MYO16: variants seen among roughly 807,000 people sequenced by gnomAD.
The protein encoded by MYO16 is unconventional myosin-XVI.
In MYO16, 94 loss-of-function variants were observed where a neutral mutation model predicts 205.3. That is an observed-to-expected ratio of 0.46 (90% confidence interval 0.39 to 0.54). MYO16 has a LOEUF of 0.54. MYO16 is among the 20% of genes least tolerant of loss of function. The probability of loss-of-function intolerance (pLI) is 0.00; values close to 1 mark genes in which losing one functional copy is unlikely to be tolerated. For synonymous variants in MYO16, 988 were observed against 954.0 expected (o/e 1.04, Z -0.66); for missense variants, 2,315 against 2,387.5 (o/e 0.97, Z 0.63).
rs188980530 is a variant in MYO16, at chr13:109,013,427, C to A, written c.2595+4378C>A. ...TGTGAATAGTGCCACAATAAACATA[C>A]GTGTGCATGTGTCTTTATACTAGCA... On this transcript the variant is annotated intron_variant, in intron 22 of 34. Coordinates refer to ENST00000457511, the MANE Select transcript of MYO16 (RefSeq NM_001198950.3). Among the ~76,000 whole-genome samples the A allele has an allele frequency of 4.7e-3, 718 of 152,188 alleles. 3 individuals carry two copies. The highest frequency in any genetic ancestry group is 8.6e-3 in the Non-Finnish European group (582 of 68,016).
intron 20 of MYO16, among the ~76,000 whole-genome samples, chr13:108,991,399 A>G (rs1884824098): frequency 6.6e-6 from 1 of 152,238 alleles, no homozygotes; most frequent in Non-Finnish European, 1.5e-5. Flanking sequence ...TCTTTAAATT[A>G]TCCTTCAAAA....
intron 2 of MYO16, among the ~76,000 whole-genome samples, chr13:108,674,918 A>C (rs1418396589): frequency 6.6e-6 from 1 of 152,222 alleles, no homozygotes; most frequent in Non-Finnish European, 1.5e-5. Context: ...GCAAAAACAC[A>C]TTGACAACAT....
At chr13:108,667,985 G>C (rs980532018) in intron 2 of MYO16, among the ~76,000 whole-genome samples, 1 of 152,126 alleles carries the variant, frequency 6.6e-6, no homozygotes, top group African/African-American at 2.4e-5. Context: ...GATATAATGA[G>C]CCATGATGGT....
chr13:109,065,429 G>A (rs577798476), intron 27 of MYO16, among the ~76,000 whole-genome samples: 19 of 150,436 alleles, frequency 1.3e-4, no homozygotes, highest in East Asian at 3.9e-4. Context: ...ATCTCTCCCC[G>A]ATATGTATAT....
chr13:109,082,347 G>A (rs114931046), intron 27 of MYO16, among the ~76,000 whole-genome samples: 2,155 of 152,246 alleles, frequency 0.014, 46 homozygotes, highest in African/African-American at 0.049. Flanking sequence ...TTTAGTTTAC[G>A]ATGGTAGCTG....
intron 1 of MYO16, among the ~76,000 whole-genome samples, chr13:108,653,773 GCATATATATA>G (rs1299471598): frequency 6.7e-6 from 1 of 150,140 alleles, no homozygotes; most frequent in African/African-American, 2.4e-5. Flanking sequence ...ACACACACAT[GCATATATATA>G]CATATATATA....
chr13:109,049,378 G>A (rs1045212611), intron 24 of MYO16, among the ~76,000 whole-genome samples: 43 of 152,232 alleles, frequency 2.8e-4, no homozygotes, highest in African/African-American at 9.1e-4. Context: ...CCTGCCATGT[G>A]CTCAGCTGTG....
rs75674454 is a variant in MYO16, at chr13:108,847,374, G to A, written c.1248+2881G>A. 2.7e-3 allele frequency among the ~76,000 whole-genome samples: 404 copies of A among 152,188 alleles called. 3 individuals carry two copies. Among genetic ancestry groups the A allele is most frequent in the African/African-American group, 9.2e-3 (383 of 41,522 alleles). Reference sequence around the variant, plus strand: ...CCTAATATTCACCCAGTAATATGCCGCATGGTATCCATCATGTTCTCATAT... The same window carrying A: ...CCTAATATTCACCCAGTAATATGCCACATGGTATCCATCATGTTCTCATAT... On this transcript the variant is annotated intron_variant, in intron 10 of 34. Transcript: ENST00000457511.
the MYO16 span, among the ~76,000 whole-genome samples, chr13:108,541,467 AC>A: frequency 6.6e-6 from 1 of 151,746 alleles, no homozygotes; most frequent in Non-Finnish European, 1.5e-5. Flanking sequence ...TTTTTGATAC[AC>A]TATAATATTG....
intron 9 of MYO16, among the ~76,000 whole-genome samples, chr13:108,823,967 C>T (rs569643499): frequency 2.9e-4 from 44 of 152,064 alleles, no homozygotes; most frequent in Non-Finnish European, 5.6e-4. Flanking sequence ...AATATTTGTT[C>T]GGAATCTACT....
At chr13:108,648,489 TG>T (rs2139395347) in intron 1 of MYO16, among the ~76,000 whole-genome samples, 1 of 152,282 alleles carries the variant, frequency 6.6e-6, no homozygotes, top group South Asian at 2.1e-4. Context: ...AGGGAATTGT[TG>T]TTCTCATTAT....
In MYO16 at chr13:109,159,591, C is replaced by T. The variant is rs540432697; in HGVS notation, c.5165-5310C>T. 3.3e-5 allele frequency among the ~76,000 whole-genome samples: 5 copies of T among 152,288 alleles called. No homozygotes were observed. The South Asian group carries it at 1.0e-3, about 32-fold the overall frequency. ...ACGCACATTGTATTTGCCCACATTC[C>T]AGAGGAAGGAGACACAAAACAAACA... is the stretch of plus-strand genomic sequence containing the variant. On this transcript the variant is annotated intron_variant, in intron 32 of 34. Coordinates refer to ENST00000457511, the MANE Select transcript of MYO16 (RefSeq NM_001198950.3).
At position 108,987,905 on chromosome 13, in the gene MYO16, A is replaced by C. The variant is rs538561304; in HGVS notation, c.2370-4471A>C. Among the ~76,000 whole-genome samples the C allele has an allele frequency of 2.0e-5, 3 of 152,294 alleles. No individual in the cohort carries two copies. In the East Asian group the frequency reaches 5.8e-4, roughly 29 times the overall value. Reference sequence around the variant, plus strand: ...TTTAATTCAGTCCTTTCTCCACTCTATATCTATCTACATAAAAGGTAAAAT... The same window carrying C: ...TTTAATTCAGTCCTTTCTCCACTCTCTATCTATCTACATAAAAGGTAAAAT... On this transcript the variant is annotated intron_variant, in intron 20 of 34. Transcript: ENST00000457511.
chr13:108,564,196 G>T, the MYO16 span, among the ~76,000 whole-genome samples: 2 of 141,504 alleles, frequency 1.4e-5, no homozygotes, highest in South Asian at 2.2e-4. Flanking sequence ...TTTTTGAGAG[G>T]GTCTCGCTCT....
the MYO16 span, among the ~76,000 whole-genome samples, chr13:108,554,127 A>G: frequency 1.3e-5 from 2 of 152,100 alleles, no homozygotes; most frequent in African/African-American, 4.8e-5. Context: ...ACTCTGTTTC[A>G]TGGACCAAGT....
At chr13:109,155,896 CT>C (rs1877991613) in intron 32 of MYO16, among the ~76,000 whole-genome samples, 1 of 152,124 alleles carries the variant, frequency 6.6e-6, no homozygotes, top group African/African-American at 2.4e-5. Context: ...TGAAATTCGT[CT>C]TTCTGAGAGG....
intron 33 of MYO16, among the ~76,000 whole-genome samples, chr13:109,165,295 A>G (rs1427867572): frequency 6.6e-6 from 1 of 152,234 alleles, no homozygotes; most frequent in African/African-American, 2.4e-5. Flanking sequence ...GTGTTAATCT[A>G]AAAGAACTGG....
chr13:109,071,161 C>A (rs1241696075), intron 27 of MYO16, among the ~76,000 whole-genome samples: 3 of 152,058 alleles, frequency 2.0e-5, no homozygotes, highest in African/African-American at 7.2e-5. Flanking sequence ...AAAAACACGT[C>A]ATTTGCTAAA....
intron 4 of MYO16, among the ~76,000 whole-genome samples, chr13:108,757,577 C>G (rs906242363): frequency 6.6e-6 from 1 of 152,026 alleles, no homozygotes; most frequent in East Asian, 1.9e-4. Flanking sequence ...GTGCTGCACC[C>G]AGTAACTCGT....
Sources: allele counts gnomAD v4.1 joint callset (sites outside exome capture counted in the v4.1 genomes callset), GRCh38; gene constraint gnomAD v4.1.1; transcripts MANE v1.5; gene names NCBI Gene and HGNC (gene_info 2026-07-23, HGNC 2026-07-21).